The following CCDC40 variants were observed in gnomAD, a reference collection of about 807,000 sequenced individuals.
The protein encoded by CCDC40 is coiled-coil domain-containing protein 40.
In CCDC40, 104 loss-of-function variants were observed where a neutral mutation model predicts 124.5. The observed-to-expected ratio is 0.84, with a 90% CI of 0.71 to 0.98. CCDC40 has a LOEUF of 0.98. Ranked by LOEUF, CCDC40 falls within the 50% of genes least tolerant of loss-of-function variation. The pLI, the probability that CCDC40 is intolerant of heterozygous loss-of-function variation, is 0.00. For synonymous variants in CCDC40, 580 were observed against 602.9 expected, an observed-to-expected ratio of 0.96 and a Z score of 0.56; for missense variants, 1,463 against 1,503.9, an observed-to-expected ratio of 0.97 and a Z score of 0.45.
intron 3 of CCDC40, among the ~76,000 whole-genome samples, chr17:80,041,169 C>T (rs1291374087): frequency 2.0e-5 from 3 of 152,120 alleles, no homozygotes; most frequent in Admixed American, 6.5e-5. Context: ...AGCCTTCGAA[C>T]GCTTCTGTAT....
intron 18 of CCDC40, 144 bp from the exon 19 acceptor site, chr17:80,097,101 C>A: frequency 1.1e-6 from 1 of 900,982 alleles, no homozygotes; most frequent in Non-Finnish European, 1.8e-6. Context: ...CAGGCCTCGC[C>A]TCTCCAGCCC....
chr17:80,081,848 C>T (rs769950790), intron 11 of CCDC40, 28 bp from the exon 12 acceptor site: 308 of 1,613,884 alleles, frequency 1.9e-4, no homozygotes, highest in East Asian at 1.2e-3. Context: ...TCTTCAGGCA[C>T]GTGCACCCTG....
chr17:80,078,114 G>A (rs558402131), intron 10 of CCDC40, among the ~76,000 whole-genome samples: 9 of 152,106 alleles, frequency 5.9e-5, no homozygotes, highest in East Asian at 3.9e-4. Flanking sequence ...GGCGGATCAC[G>A]AGGTCAGGAG....
rs1247568781 is a variant in CCDC40 at position 80,039,810 on chromosome 17, A to G, written c.94-2A>G. The G allele has an allele frequency of 6.2e-7, 1 of 1,612,850 alleles. No individual in the cohort carries two copies. The highest frequency in any genetic ancestry group is 8.5e-7 in the Non-Finnish European group (1 of 1,179,038). On this transcript the variant is annotated splice_acceptor_variant, in intron 2 of 19. Transcript: ENST00000397545. LOFTEE classifies it high-confidence loss of function. ...GATTTTTTTCCTGCCACACCTTTAC[A>G]GGTGTCACCACCAGAGAAGGATGAT...
intron 7 of CCDC40, among the ~76,000 whole-genome samples, chr17:80,055,521 T>C (rs932814116): frequency 2.0e-5 from 3 of 152,102 alleles, no homozygotes; most frequent in Non-Finnish European, 4.4e-5. Flanking sequence ...TGAAAGGTCA[T>C]AAAACAGATT....
chr17:80,095,219 G>A (rs752004220), intron 17 of CCDC40, 44 bp from the exon 18 acceptor site: 1 of 1,596,030 alleles, frequency 6.3e-7, no homozygotes, highest in Non-Finnish European at 8.6e-7. Context: ...TGCAGCTGCA[G>A]CTCAGGCCTG....
chr17:80,074,622 A>G (rs1245642573), intron 10 of CCDC40, among the ~76,000 whole-genome samples: 3 of 152,160 alleles, frequency 2.0e-5, no homozygotes, highest in African/African-American at 4.8e-5. Context: ...TCTAAAACCG[A>G]AAAAAGGAAA....
At chr17:80,090,415 C>G (rs1346479267) in intron 17 of CCDC40, 3 of 846,596 alleles carry the variant, frequency 3.5e-6, no homozygotes, top group South Asian at 1.9e-5. Flanking sequence ...ACAGGACACA[C>G]ACAGCACGTG....
Position 80,089,874 on chromosome 17 carries a change from A to C in CCDC40, c.2822A>C (p.His941Pro), listed in dbSNP as rs758115602. 9 of 1,614,244 alleles carry C rather than the reference A, an allele frequency of 5.6e-6. No homozygotes were observed. The highest frequency in any genetic ancestry group is 7.6e-6 in the Non-Finnish European group (9 of 1,180,050). The change falls in exon 17 of 20, where the codon CAC becomes CCC. Residue 941 changes from histidine (H) to proline (P), a missense_variant. His to Pro is a moderately conservative substitution (Grantham distance 77, BLOSUM62 -2). Transcript: ENST00000397545. ...ATCCGGGCCATGAAGGGCGAGATCC[A>C]CAGGATGAAGGTGAGGGGAGGAGAG... ...TEIRAMKGEI[H>P]RMKVRLGQLL... is the part of the protein sequence containing the mutation.
intron 17 of CCDC40, chr17:80,090,345 A>AGC: frequency 1.6e-6 from 1 of 618,762 alleles, no homozygotes; most frequent in Non-Finnish European, 2.4e-6. Flanking sequence ...GTGCACGAAC[A>AGC]AGGGACGCGC....
intron 3 of CCDC40, among the ~76,000 whole-genome samples, chr17:80,045,125 A>C (rs990523819): frequency 6.6e-6 from 1 of 152,230 alleles, no homozygotes; most frequent in African/African-American, 2.4e-5. Flanking sequence ...AAGTGCCGTG[A>C]GACGGTGCAT....
chr17:80,051,665 C>T (rs2037600753), intron 7 of CCDC40, among the ~76,000 whole-genome samples: 1 of 148,950 alleles, frequency 6.7e-6, no homozygotes, highest in Non-Finnish European at 1.5e-5. Flanking sequence ...GAAAAAAGAA[C>T]CTCTCTCCAG....
rs769341555 is a variant in CCDC40 at position 80,095,428 on chromosome 17, C to T, written c.2998C>T (p.Arg1000Trp). The T allele has an allele frequency of 2.0e-5, 32 of 1,614,156 alleles. No homozygotes were observed. The highest frequency in any genetic ancestry group is 1.2e-4 in the Admixed American group (7 of 60,030). Residue 1000 changes from arginine to tryptophan, a missense_variant, in exon 18 of 20, where the codon CGG becomes TGG. Coordinates refer to ENST00000397545, the MANE Select transcript of CCDC40 (RefSeq NM_017950.4). ...DFHHKQLELR[R>W]KIRDVRKATD... Reference sequence around the variant, plus strand: ...CCACCACAAGCAGCTTGAGCTGCGCCGGAAAATCAGGGACGTTCGCAAGGT... The same window carrying T: ...CCACCACAAGCAGCTTGAGCTGCGCTGGAAAATCAGGGACGTTCGCAAGGT...
intron 17 of CCDC40, among the ~76,000 whole-genome samples, chr17:80,091,297 T>TA (rs1396935223): frequency 7.3e-6 from 1 of 137,710 alleles, no homozygotes; most frequent in Non-Finnish European, 1.5e-5. Flanking sequence ...ACAGAACCAG[T>TA]AGACTACACA....
At position 80,097,899 on chromosome 17, in the gene CCDC40, CAAAAAGAAAA is replaced by C. The variant is rs2038838646; in HGVS notation, c.3180+497_3180+506del. 3.0e-5 allele frequency: 4 copies of C among 135,434 alleles called. No individual in the cohort carries two copies. The South Asian group carries it at 7.4e-4, about 25-fold the overall frequency. 8.4% of individuals were successfully genotyped at this position (135,434 alleles called of 1,614,324 possible). A position where few individuals can be genotyped will look rare whatever the true frequency, so the allele number is the denominator to read the frequency against. On this transcript the variant is annotated intron_variant, in intron 19 of 19. Transcript: ENST00000397545. ...TGGGTGACAGAGGGAGATCCTGTCT[CAAAAAGAAAA>C]GAAAAGAAAAGAAAAGAAAAGAAAA...
chr17:80,049,621 G>A (rs897942583), intron 5 of CCDC40, among the ~76,000 whole-genome samples: 1 of 151,720 alleles, frequency 6.6e-6, no homozygotes, highest in African/African-American at 2.4e-5. Context: ...GCTGCACAGG[G>A]AGGTTCTCTC....
At chr17:80,063,176 C>T (rs111337403) in intron 9 of CCDC40, among the ~76,000 whole-genome samples, 13 of 150,160 alleles carry the variant, frequency 8.7e-5, no homozygotes, top group Non-Finnish European at 1.8e-4. Context: ...GCCTGGGTGA[C>T]GAGAGTAAAA....
intron 10 of CCDC40, among the ~76,000 whole-genome samples, chr17:80,079,219 T>G (rs2038388538): frequency 6.6e-6 from 1 of 152,202 alleles, no homozygotes; most frequent in Non-Finnish European, 1.5e-5. Flanking sequence ...AAGTACTTTC[T>G]TCTTGGACTA....
intron 9 of CCDC40, among the ~76,000 whole-genome samples, chr17:80,063,797 G>A (rs1292750372): frequency 6.6e-6 from 1 of 152,178 alleles, no homozygotes; most frequent in Non-Finnish European, 1.5e-5. Context: ...GCCGCACCTG[G>A]CCCAGTCAAC....
Sources: allele counts gnomAD v4.1 joint callset (sites outside exome capture counted in the v4.1 genomes callset), GRCh38; gene constraint gnomAD v4.1.1; transcripts MANE v1.5; gene names NCBI Gene and HGNC (gene_info 2026-07-23, HGNC 2026-07-21).